Variants in CCDC141 observed in about 807,000 individuals in gnomAD.
CCDC141 encodes coiled-coil domain containing 141.
A neutral mutation model predicts 181.0 loss-of-function variants in CCDC141; 168 were observed. That is an observed-to-expected ratio of 0.93 (90% CI 0.82 to 1.05). The LOEUF is 1.05. Ranked by LOEUF, CCDC141 falls within the 50% of genes least tolerant of loss-of-function variation. The pLI is 0.00. For synonymous variants in CCDC141, 666 were observed against 642.3 expected (o/e 1.04, Z -0.56); for missense variants, 1,902 against 1,788.5 (o/e 1.06, Z -1.14).
intron 2 of CCDC141, among the ~76,000 whole-genome samples, chr2:179,028,902 G>A (rs148982289): frequency 2.9e-4 from 44 of 152,092 alleles, no homozygotes; most frequent in East Asian, 2.5e-3. Context: ...GGCAACCTTC[G>A]TAAAACTCTA....
intron 2 of CCDC141, among the ~76,000 whole-genome samples, chr2:178,993,412 T>G (rs773870281): frequency 6.6e-6 from 1 of 152,144 alleles, no homozygotes; most frequent in African/African-American, 2.4e-5. Flanking sequence ...AGAGGGCTTG[T>G]GTACGGAAAC....
In CCDC141 at chr2:179,015,106, T is replaced by TC. The variant is rs1553502774; in HGVS notation, c.225+32177_225+32178insG. ...TATATATATATATATATATATATAA[T>TC]ATATATATAATCATATATATATATC... On this transcript the variant is annotated intron_variant, in intron 2 of 23. Transcript: ENST00000443758. Among the ~76,000 whole-genome samples, 161 of 24,000 alleles carry TC rather than the reference T, an allele frequency of 6.7e-3. 11 individuals carry two copies. Among genetic ancestry groups the TC allele is most frequent in the Non-Finnish European group, 0.02 (118 of 5,916 alleles). The allele number at this position is 24,000 out of a possible 152,430, so 15.7% of individuals were successfully genotyped here. A position where few individuals can be genotyped will look rare whatever the true frequency, so the allele number is the denominator to read the frequency against.
the CCDC141 span, chr2:178,817,597 C>T: frequency 2.1e-6 from 1 of 470,848 alleles, no homozygotes. Context: ...CTTCTGGACA[C>T]TGTGCAGTGT....
intron 4 of CCDC141, among the ~76,000 whole-genome samples, chr2:178,965,919 G>A (rs749961603): frequency 3.9e-5 from 6 of 152,164 alleles, no homozygotes; most frequent in South Asian, 2.1e-4. Flanking sequence ...GACCCGGTAC[G>A]TTCCATCTTG....
intron 2 of CCDC141, among the ~76,000 whole-genome samples, chr2:178,983,691 G>A (rs376473185): frequency 6.8e-4 from 103 of 151,436 alleles, no homozygotes; most frequent in African/African-American, 2.0e-3. Context: ...GAGCCGATGC[G>A]ATCAACTGGA....
intron 2 of CCDC141, among the ~76,000 whole-genome samples, chr2:179,017,163 A>C (rs974135404): frequency 1.1e-4 from 16 of 152,132 alleles, no homozygotes; most frequent in Non-Finnish European, 1.9e-4. Flanking sequence ...AACAAAAGAA[A>C]GTGCATACTG....
Position 178,872,135 on chromosome 2 carries a change from T to G in CCDC141, c.2077A>C (p.Lys693Gln), listed in dbSNP as rs200045856. ...QWAAFKEQLKKTSHNLKLLQE... is the reference protein window; with the variant it reads ...QWAAFKEQLKQTSHNLKLLQE... ...CATCCCATTGTTCCTTGCCTCACCTTTTTAAGTTGCTCTTTGAATGCCGCC... is the reference window on the plus strand; with the variant it reads ...CATCCCATTGTTCCTTGCCTCACCTGTTTAAGTTGCTCTTTGAATGCCGCC... The change falls in exon 13 of 24, where the codon AAG becomes CAG. Residue 693 changes from lysine (K) to glutamine (Q), a missense_variant and splice_region_variant. By Grantham distance (53) the Lys-to-Gln change is moderately conservative. Transcript: ENST00000443758. The G allele has an allele frequency of 9.3e-5, 150 of 1,613,326 alleles. No homozygotes were observed. The highest frequency in any genetic ancestry group is 6.8e-6 in the Non-Finnish European group (8 of 1,179,768).
chr2:178,987,245 T>A (rs867194839), intron 2 of CCDC141, among the ~76,000 whole-genome samples: 24 of 151,432 alleles, frequency 1.6e-4, no homozygotes, highest in African/African-American at 5.6e-4. Context: ...TAAATGGTGC[T>A]GGGAAAACTG....
rs777807991 is a variant in CCDC141, at chr2:178,831,318, G to C, written c.*2855C>G. 5 of 152,008 alleles carry C rather than the reference G, an allele frequency of 3.3e-5. No homozygotes were observed. Among genetic ancestry groups the C allele is most frequent in the Admixed American group, 6.6e-5 (1 of 15,254 alleles). 9.4% of individuals were successfully genotyped at this position (152,008 alleles called of 1,614,324 possible). On this transcript the variant is annotated 3_prime_UTR_variant, in exon 24 of 24. Transcript: ENST00000443758. ...AAACTTAAAAACATTTTGTTTTGCA[G>C]TTCTTCAAAGTATCAAGTATTTATA...
chr2:179,019,512 A>C (rs1203082608), intron 2 of CCDC141, among the ~76,000 whole-genome samples: 1 of 152,124 alleles, frequency 6.6e-6, no homozygotes. Context: ...TATTTCATAC[A>C]GGAAAGCTTT....
In CCDC141 at chr2:178,831,881, T is replaced by A. The variant is rs1684262418; in HGVS notation, c.*2292A>T. On this transcript the variant is annotated 3_prime_UTR_variant, in exon 24 of 24. Transcript: ENST00000443758. ...CCACCCCCACCTTTCTCTTTCTCTC[T>A]CTCTCTAAAAATGGATTTTGCATGC... 1 of 151,974 alleles carries A rather than the reference T, an allele frequency of 6.6e-6. No homozygotes were observed. Among genetic ancestry groups the A allele is most frequent in the Admixed American group, 6.6e-5 (1 of 15,230 alleles). The allele number at this position is 151,974 out of a possible 1,614,324, so 9.4% of individuals were successfully genotyped here.
At chr2:178,871,771 T>C (rs767318872) in intron 13 of CCDC141, among the ~76,000 whole-genome samples, 5 of 152,052 alleles carry the variant, frequency 3.3e-5, no homozygotes, top group Non-Finnish European at 7.4e-5. Context: ...ATAACAAAAG[T>C]TACCATGTTT....
chr2:179,028,985 G>T (rs1039492297), intron 2 of CCDC141, among the ~76,000 whole-genome samples: 14 of 152,182 alleles, frequency 9.2e-5, no homozygotes, highest in East Asian at 1.9e-4. Context: ...AGCCCGGTGG[G>T]TACTGCCATT....
In CCDC141 at chr2:178,918,912, A is replaced by C; in HGVS notation, c.898-5T>G. On this transcript the variant is annotated splice_polypyrimidine_tract_variant and splice_region_variant and intron_variant, in intron 6 of 23. Coordinates refer to ENST00000443758, the MANE Select transcript of CCDC141 (RefSeq NM_173648.4). ...CTCAACAGCAGAATTCCATTCCTGCAAGAGATTATTCTTATTATTTTATAC... is the reference window on the plus strand; with the variant it reads ...CTCAACAGCAGAATTCCATTCCTGCCAGAGATTATTCTTATTATTTTATAC... The C allele has an allele frequency of 6.5e-7, 1 of 1,549,348 alleles. No individual in the cohort carries two copies. Among genetic ancestry groups the C allele is most frequent in the Non-Finnish European group, 8.7e-7 (1 of 1,146,222 alleles).
chr2:178,988,548 G>T (rs1276499495), intron 2 of CCDC141, among the ~76,000 whole-genome samples: 1 of 152,048 alleles, frequency 6.6e-6, no homozygotes, highest in African/African-American at 2.4e-5. Context: ...TTATGAGTTG[G>T]AAGACTTAGT....
At chr2:178,999,686 T>C (rs1051713771) in intron 2 of CCDC141, among the ~76,000 whole-genome samples, 6 of 152,126 alleles carry the variant, frequency 3.9e-5, no homozygotes, top group African/African-American at 1.2e-4. Context: ...ATTTTTGTGG[T>C]TCCCTGACAC....
chr2:178,866,843 A>G (rs1222890634), intron 16 of CCDC141, among the ~76,000 whole-genome samples: 1 of 152,152 alleles, frequency 6.6e-6, no homozygotes, highest in Non-Finnish European at 1.5e-5. Context: ...CTTCTGCCTC[A>G]GCCTCCCAAG....
Position 178,855,458 on chromosome 2 carries a change from A to T in CCDC141, c.2949T>A (p.Leu983=). The T allele has an allele frequency of 6.2e-7, 1 of 1,611,782 alleles. No individual in the cohort carries two copies. Among genetic ancestry groups the T allele is most frequent in the Non-Finnish European group, 8.5e-7 (1 of 1,178,772 alleles). The stretch of plus-strand genomic sequence containing the variant: ...TTTGCAAATCCTTCATGACTTCCAA[A>T]AGGACATTAACTTTATCACTTGGAT... ...LNYPSDKVNV[L]LEVMKDLQKH... is the part of the protein sequence containing the mutation. The change falls in exon 19 of 24, where the codon CTT becomes CTA. Residue 983 remains leucine, a synonymous_variant. Coordinates refer to ENST00000443758, the MANE Select transcript of CCDC141 (RefSeq NM_173648.4).
intron 1 of CCDC141, among the ~76,000 whole-genome samples, chr2:179,047,869 T>G (rs539381346): frequency 7.9e-5 from 12 of 152,332 alleles, no homozygotes; most frequent in Admixed American, 7.8e-4. Context: ...ATTAGTGTCT[T>G]TACATTGGCC....
Sources: gnomAD v4.1 joint callset for allele counts (sites outside exome capture counted in the v4.1 genomes callset) on GRCh38, gnomAD v4.1.1 for gene constraint, MANE v1.5 for transcripts, NCBI Gene and HGNC (gene_info 2026-07-23, HGNC 2026-07-21) for gene names.